MEF2C: variants seen among roughly 807,000 people sequenced by gnomAD.
The protein encoded by MEF2C is myocyte enhancer factor 2C.
In MEF2C, 6 loss-of-function variants were observed where a neutral mutation model predicts 50.5. The observed-to-expected ratio is 0.12, with a 90% CI of 0.07 to 0.23. The LOEUF (loss-of-function observed/expected upper bound fraction) is 0.23. MEF2C is among the 10% of genes least tolerant of loss of function. The pLI is 1.00. For synonymous variants in MEF2C, 183 were observed against 228.0 expected, an observed-to-expected ratio of 0.80 and a Z score of 1.78; for missense variants, 276 against 605.0, an observed-to-expected ratio of 0.46 and a Z score of 5.70.
chr5:88,877,685 A>T (rs1167590163), intron 1 of MEF2C, among the ~76,000 whole-genome samples: 1 of 152,064 alleles, frequency 6.6e-6, no homozygotes, highest in East Asian at 1.9e-4. Context: ...TATTGTCTGT[A>T]AAATAACATG....
intron 1 of MEF2C, among the ~76,000 whole-genome samples, chr5:88,862,600 A>G (rs1361344132): frequency 6.6e-6 from 1 of 152,102 alleles, no homozygotes; most frequent in African/African-American, 2.4e-5. Context: ...TTACTTTGTA[A>G]GAGATGTAAG....
intron 6 of MEF2C, chr5:88,738,734 C>T: frequency 1.0e-6 from 1 of 985,244 alleles, no homozygotes; most frequent in Non-Finnish European, 1.2e-6. Context: ...TTGTCCTAAG[C>T]CAGAGGTGAT....
chr5:88,841,583 G>A (rs1817404979), intron 1 of MEF2C, among the ~76,000 whole-genome samples: 1 of 151,884 alleles, frequency 6.6e-6, no homozygotes, highest in African/African-American at 2.4e-5. Flanking sequence ...ACCTTTCCAG[G>A]AGGAGTTCCA....
chr5:88,808,252 C>T (rs902404324), intron 2 of MEF2C, among the ~76,000 whole-genome samples: 6 of 152,120 alleles, frequency 3.9e-5, no homozygotes, highest in African/African-American at 7.2e-5. Context: ...CTACAGAATA[C>T]GTTCAATACA....
intron 6 of MEF2C, chr5:88,734,525 C>A (rs947791124): frequency 5.2e-6 from 5 of 968,342 alleles, no homozygotes; most frequent in African/African-American, 2.0e-5. Context: ...GGCCAGTGTG[C>A]GAAAATGGAA....
intron 1 of MEF2C, among the ~76,000 whole-genome samples, chr5:88,848,523 G>T (rs925450785): frequency 6.6e-6 from 1 of 152,088 alleles, no homozygotes; most frequent in Non-Finnish European, 1.5e-5. Flanking sequence ...AATTATTCTA[G>T]TCATAATAAG....
At chr5:88,825,738 T>G in intron 1 of MEF2C, 1 of 515,474 alleles carries the variant, frequency 1.9e-6, no homozygotes, top group Non-Finnish European at 2.5e-6. Context: ...AAGCAGTGTG[T>G]TAGAATGGTA....
At position 88,729,603 on chromosome 5, in the gene MEF2C, T is replaced by A. The variant is rs192757339; in HGVS notation, c.835-256A>T. The A allele has an allele frequency of 2.9e-5, 13 of 441,744 alleles. No individual in the cohort carries two copies. The East Asian group carries it at 5.6e-4, about 19-fold the overall frequency. 27.4% of individuals were successfully genotyped at this position (441,744 alleles called of 1,614,324 possible). On this transcript the variant is annotated intron_variant, in intron 8 of 10. Coordinates refer to ENST00000504921, the MANE Select transcript of MEF2C (RefSeq NM_002397.5). ...AGTAACAAGTACCATAGCTTTATTA[T>A]GGGTAAAAACAGACTATGTTGAAAA...
intron 3 of MEF2C, among the ~76,000 whole-genome samples, chr5:88,778,748 A>G (rs1380519246): frequency 6.6e-6 from 1 of 152,250 alleles, no homozygotes; most frequent in African/African-American, 2.4e-5. Flanking sequence ...TTCAACAGTT[A>G]CAAGGAAGAC....
chr5:88,839,696 A>G (rs963907505), intron 1 of MEF2C: 2 of 152,210 alleles, frequency 1.3e-5, no homozygotes, highest in African/African-American at 4.8e-5. Flanking sequence ...TAACTAGTTC[A>G]CATACCAAAT....
chr5:88,792,237 TA>T (rs573450424), intron 3 of MEF2C, among the ~76,000 whole-genome samples: 1 of 150,962 alleles, frequency 6.6e-6, no homozygotes. Context: ...AGCTTCAAGT[TA>T]AAAAAAAATA....
intron 2 of MEF2C, among the ~76,000 whole-genome samples, chr5:88,818,859 A>G (rs1007249510): frequency 4.6e-5 from 7 of 152,034 alleles, no homozygotes; most frequent in African/African-American, 1.7e-4. Flanking sequence ...ACACAGTACA[A>G]GAGTTGTTTT....
At chr5:88,878,011 T>A (rs1057357755) in intron 1 of MEF2C, 2 of 152,046 alleles carry the variant, frequency 1.3e-5, no homozygotes, top group African/African-American at 4.8e-5. Context: ...CCTTTCTACA[T>A]GTTTGCTTCC....
intron 1 of MEF2C, among the ~76,000 whole-genome samples, chr5:88,856,893 C>T (rs1350337519): frequency 6.6e-6 from 1 of 152,224 alleles, no homozygotes; most frequent in Non-Finnish European, 1.5e-5. Flanking sequence ...GTGGTCAGAG[C>T]CCTGACATCT....
At chr5:88,738,278 T>A in intron 6 of MEF2C, 1 of 985,240 alleles carries the variant, frequency 1.0e-6, no homozygotes, top group South Asian at 4.7e-5. Context: ...CATCCAACAA[T>A]ATTAGCAATC....
At chr5:88,735,047 T>C in intron 6 of MEF2C, 2 of 985,422 alleles carry the variant, frequency 2.0e-6, no homozygotes, top group Non-Finnish European at 2.4e-6. Context: ...TGTTATTCTT[T>C]GGACATAATA....
chr5:88,877,396 T>C (rs1002068531), intron 1 of MEF2C, among the ~76,000 whole-genome samples: 5 of 152,016 alleles, frequency 3.3e-5, no homozygotes, highest in African/African-American at 1.2e-4. Flanking sequence ...AACCATAAAT[T>C]TGTATAACAT....
chr5:88,774,422 AG>A (rs1440924243), intron 3 of MEF2C, among the ~76,000 whole-genome samples: 2 of 150,466 alleles, frequency 1.3e-5, no homozygotes, highest in East Asian at 3.9e-4. Flanking sequence ...TTCCAGGTTC[AG>A]GCCATTCTCC....
chr5:88,826,812 C>G (rs1811069893), intron 1 of MEF2C, among the ~76,000 whole-genome samples: 1 of 151,642 alleles, frequency 6.6e-6, no homozygotes, highest in Non-Finnish European at 1.5e-5. Context: ...CAACCATAAG[C>G]TTAAAATAAT....
Sources: gnomAD v4.1 joint callset for allele counts (sites outside exome capture counted in the v4.1 genomes callset) on GRCh38, gnomAD v4.1.1 for gene constraint, MANE v1.5 for transcripts, NCBI Gene and HGNC (gene_info 2026-07-23, HGNC 2026-07-21) for gene names.